Variants in SENP7 observed in about 807,000 individuals in gnomAD.
SENP7 encodes the protein sentrin-specific protease 7.
In SENP7, 64 loss-of-function variants were observed where a neutral mutation model predicts 141.2. The ratio of observed to expected loss-of-function variants is 0.45; its 90% CI spans 0.37 to 0.56. SENP7 has a LOEUF of 0.56. SENP7 is among the 20% of genes least tolerant of loss of function. The probability of loss-of-function intolerance (pLI) is 0.00; values close to 1 mark genes in which losing one functional copy is unlikely to be tolerated. For missense variants in SENP7, 1,025 were observed against 1,212.2 expected (o/e 0.85, Z 2.29); for synonymous variants, 382 against 426.4 (o/e 0.90, Z 1.28).
rs35280545 is a variant in SENP7 at position 101,360,311 on chromosome 3, C to T, written c.1623+1404G>A. ...ATGGGTACCAAGTAAACAACAGGTA[C>T]TTCATGTCTTATTCATGTGCTGTCT... On this transcript the variant is annotated intron_variant, in intron 11 of 23. Coordinates refer to ENST00000394095, the MANE Select transcript of SENP7 (RefSeq NM_020654.5). 9.2e-3 allele frequency among the ~76,000 whole-genome samples: 1,400 copies of T among 152,296 alleles called. 10 individuals carry two copies. The highest frequency in any genetic ancestry group is 0.021 in the Middle Eastern group (6 of 292).
At chr3:101,468,626 A>C (rs1225316332) in intron 3 of SENP7, among the ~76,000 whole-genome samples, 1 of 152,214 alleles carries the variant, frequency 6.6e-6, no homozygotes. Context: ...TAAGTGAAGG[A>C]GACATAAAAT....
chr3:101,357,738 A>G (rs550263342), intron 11 of SENP7: 7 of 665,868 alleles, frequency 1.1e-5, no homozygotes, highest in South Asian at 9.7e-5. Flanking sequence ...AACAGACATA[A>G]GACATACTGG....
intron 4 of SENP7, among the ~76,000 whole-genome samples, chr3:101,434,617 G>A (rs185072556): frequency 2.0e-5 from 3 of 152,132 alleles, no homozygotes; most frequent in African/African-American, 7.2e-5. Flanking sequence ...AAATTCAGAG[G>A]ATCATTAGTG....
chr3:101,451,914 A>T (rs1343113030), intron 4 of SENP7, among the ~76,000 whole-genome samples: 1 of 152,350 alleles, frequency 6.6e-6, no homozygotes, highest in Middle Eastern at 3.4e-3. Flanking sequence ...GAAATGAGGA[A>T]GTCAAATTGT....
chr3:101,324,383 A>G lies in SENP7; in HGVS notation c.*1560T>C, dbSNP rs931611592. On this transcript the variant is annotated 3_prime_UTR_variant, in exon 24 of 24. Coordinates refer to ENST00000394095, the MANE Select transcript of SENP7 (RefSeq NM_020654.5). ...AACAATCTTCAAAACATGATAAAGGACAGTGATATCTTTGAAAAACATACA... is the reference window on the plus strand; with the variant it reads ...AACAATCTTCAAAACATGATAAAGGGCAGTGATATCTTTGAAAAACATACA... 21 of 152,126 alleles carry G rather than the reference A, an allele frequency of 1.4e-4. No homozygotes were observed. The highest frequency in any genetic ancestry group is 2.8e-4 in the Non-Finnish European group (19 of 67,984). The allele number at this position is 152,126 out of a possible 1,614,324, so 9.4% of individuals were successfully genotyped here.
chr3:101,426,797 CA>C (rs1201974232), intron 4 of SENP7, among the ~76,000 whole-genome samples: 1 of 152,098 alleles, frequency 6.6e-6, no homozygotes, highest in African/African-American at 2.4e-5. Flanking sequence ...AGATTCTTTT[CA>C]GACAAGCAAA....
At chr3:101,424,824 C>T (rs143656211) in intron 4 of SENP7, among the ~76,000 whole-genome samples, 252 of 152,286 alleles carry the variant, frequency 1.7e-3, no homozygotes, top group Middle Eastern at 3.4e-3. Context: ...GGCCACACTG[C>T]GTGATACAGT....
At chr3:101,403,442 T>C (rs538268665) in intron 5 of SENP7, among the ~76,000 whole-genome samples, 52 of 152,328 alleles carry the variant, frequency 3.4e-4, no homozygotes, top group African/African-American at 1.2e-3. Context: ...CTCAGAAAAG[T>C]TAAATAAGCT....
chr3:101,470,951 G>A (rs2063967790), intron 3 of SENP7, among the ~76,000 whole-genome samples: 1 of 152,176 alleles, frequency 6.6e-6, no homozygotes. Context: ...CAAGGGATGT[G>A]AAGGACCTCT....
chr3:101,336,082 CA>C (rs762041076), intron 17 of SENP7, among the ~76,000 whole-genome samples: 105 of 152,268 alleles, frequency 6.9e-4, no homozygotes, highest in Non-Finnish European at 1.1e-3. Context: ...TATATAATCA[CA>C]ACACTATGAA....
rs778801381 is a variant in SENP7, at chr3:101,361,797, T to C, written c.1541A>G (p.Asn514Ser). ...AAAATCCAGTTGTAGATCCATCTCATTACTAGGCATAATACTGGAAATGTT... is the reference window on the plus strand; with the variant it reads ...AAAATCCAGTTGTAGATCCATCTCACTACTAGGCATAATACTGGAAATGTT... ...MENISSIMPS[N>S]EMDLQLDFIF... Residue 514 changes from asparagine to serine, a missense_variant, in exon 11 of 24, where the codon AAT becomes AGT. Physicochemically the swap from Asn to Ser is conservative, Grantham distance 46. This residue lies in a region of SENP7 where 228 missense variants were observed against 228.5 expected (regional missense o/e 1.00). Transcript: ENST00000394095. The C allele has an allele frequency of 6.2e-7, 1 of 1,609,212 alleles. No individual in the cohort carries two copies. The highest frequency in any genetic ancestry group is 8.5e-7 in the Non-Finnish European group (1 of 1,178,298).
intron 20 of SENP7, 26 bp downstream of exon 20, chr3:101,330,308 T>C (rs1166565622): frequency 1.9e-6 from 3 of 1,555,134 alleles, no homozygotes; most frequent in Non-Finnish European, 1.8e-6. Context: ...TTTTCCTTCC[T>C]TCCCATCTGT....
At chr3:101,429,764 C>A (rs141115916) in intron 4 of SENP7, among the ~76,000 whole-genome samples, 1 of 151,962 alleles carries the variant, frequency 6.6e-6, no homozygotes, top group African/African-American at 2.4e-5. Context: ...CCTTGTCTTG[C>A]GCCAGTTGTC....
intron 11 of SENP7, among the ~76,000 whole-genome samples, chr3:101,356,800 A>G (rs2059754601): frequency 6.6e-6 from 1 of 152,174 alleles, no homozygotes; most frequent in Non-Finnish European, 1.5e-5. Context: ...ATGCTGAAAA[A>G]AGCTTGAGCA....
intron 3 of SENP7, among the ~76,000 whole-genome samples, chr3:101,466,979 A>C (rs944679149): frequency 6.6e-6 from 1 of 152,194 alleles, no homozygotes; most frequent in African/African-American, 2.4e-5. Flanking sequence ...AGTCCCGCCC[A>C]AATACTGCAC....
rs7621830 is a variant in SENP7 at position 101,501,045 on chromosome 3, G to T, written c.90+25C>A. 58 of 1,515,582 alleles carry T rather than the reference G, an allele frequency of 3.8e-5. 1 individual carries two copies. The South Asian group carries it at 5.0e-4, about 13-fold the overall frequency. 93.9% of individuals were successfully genotyped at this position (1,515,582 alleles called of 1,614,324 possible). ...AATATCAGTAACTCCAAAGATAATA[G>T]GTTAAAAGCAAAACAAATGCATACC... On this transcript the variant is annotated intron_variant, in intron 2 of 23. Transcript: ENST00000394095.
chr3:101,396,370 T>A (rs897795815), intron 6 of SENP7, among the ~76,000 whole-genome samples: 1 of 152,180 alleles, frequency 6.6e-6, no homozygotes, highest in Non-Finnish European at 1.5e-5. Context: ...TGATTTTTCT[T>A]AACAACATAA....
In SENP7 at chr3:101,344,400, C is replaced by G. The variant is rs143494339; in HGVS notation, c.1838-446G>C. On this transcript the variant is annotated intron_variant, in intron 13 of 23. Transcript: ENST00000394095. The stretch of plus-strand genomic sequence containing the variant: ...CTTCCCACAGAATGCTTATAAATGG[C>G]TGTTTCTATTTTCCCCACCTTCTCT... Among the ~76,000 whole-genome samples the G allele has an allele frequency of 2.2e-3, 336 of 152,256 alleles. 7 individuals are homozygous for G. The East Asian group carries it at 0.026, about 12-fold the overall frequency.
chr3:101,438,922 G>A (rs970182403), intron 4 of SENP7, among the ~76,000 whole-genome samples: 2 of 142,408 alleles, frequency 1.4e-5, no homozygotes, highest in Non-Finnish European at 3.1e-5. Context: ...GCCTCCCAAA[G>A]TGCCGAGATT....
Sources: allele counts gnomAD v4.1 joint callset (sites outside exome capture counted in the v4.1 genomes callset), GRCh38; gene constraint gnomAD v4.1.1; regional missense constraint gnomAD v4.1.1; transcripts MANE v1.5; gene names NCBI Gene and HGNC (gene_info 2026-07-23, HGNC 2026-07-21).